ZNF490: variants seen among roughly 807,000 people sequenced by gnomAD.
The protein encoded by ZNF490 is zinc finger protein 490.
In ZNF490, 11 loss-of-function variants were observed where a neutral mutation model predicts 17.7. The ratio of observed to expected loss-of-function variants is 0.62; its 90% CI spans 0.39 to 1.03. The LOEUF (loss-of-function observed/expected upper bound fraction) is 1.03. Ranked by LOEUF, ZNF490 falls within the 50% of genes least tolerant of loss-of-function variation. The probability of loss-of-function intolerance (pLI) is 0.00; values close to 1 mark genes in which losing one functional copy is unlikely to be tolerated. For synonymous variants in ZNF490, 222 were observed against 216.1 expected, an observed-to-expected ratio of 1.03 and a Z score of -0.24; for missense variants, 542 against 643.4, an observed-to-expected ratio of 0.84 and a Z score of 1.71.
chr19:12,583,502 A>G lies in ZNF490; in HGVS notation c.217T>C (p.Leu73=). The G allele has an allele frequency of 6.2e-7, 1 of 1,606,500 alleles. No individual in the cohort carries two copies. Among genetic ancestry groups the G allele is most frequent in the Non-Finnish European group, 8.5e-7 (1 of 1,175,062 alleles). ...AVNFTLEEWA[L]LDPGQRNIYR... is the part of the protein sequence containing the mutation. ...ATATTCCTCTGGCCAGGATCCAGCA[A>G]AGCCCACTCCTCCAGGGTGAAGTTC... Residue 73 remains leucine, a synonymous_variant, in exon 3 of 5, where the codon TTG becomes CTG. Transcript: ENST00000311437.
chr19:12,605,892 T>C (rs889279511), intron 2 of ZNF490, among the ~76,000 whole-genome samples: 1 of 149,266 alleles, frequency 6.7e-6, no homozygotes. Context: ...TTTAATTTAA[T>C]TTTTTTTTTT....
Position 12,584,358 on chromosome 19 carries a change from A to C in ZNF490, c.163-802T>G, listed in dbSNP as rs185597541. ...TTTTTAGTAGAGACGGGGTTTCACC[A>C]TGTTAGCCAGGATGGTCTTGATCTC... On this transcript the variant is annotated intron_variant, in intron 2 of 4. Coordinates refer to ENST00000311437, the MANE Select transcript of ZNF490 (RefSeq NM_020714.3). Among the ~76,000 whole-genome samples the C allele has an allele frequency of 4.5e-4, 35 of 77,130 alleles. 7 individuals are homozygous for C. Among genetic ancestry groups the C allele is most frequent in the African/African-American group, 1.3e-3 (34 of 25,736 alleles). 50.6% of individuals were successfully genotyped at this position (77,130 alleles called of 152,430 possible). A position where few individuals can be genotyped will look rare whatever the true frequency, so the allele number is the denominator to read the frequency against.
intron 2 of ZNF490, among the ~76,000 whole-genome samples, chr19:12,603,321 T>C (rs2023028904): frequency 6.6e-6 from 1 of 151,890 alleles, no homozygotes; most frequent in African/African-American, 2.4e-5. Flanking sequence ...ATCCTATCTC[T>C]ACAAAAAATA....
chr19:12,603,518 G>A (rs1049690532), intron 2 of ZNF490, among the ~76,000 whole-genome samples: 37 of 152,124 alleles, frequency 2.4e-4, no homozygotes, highest in African/African-American at 8.7e-4. Context: ...AAGGCTGGGC[G>A]CTGGGGCTCA....
At chr19:12,582,757 C>T in intron 4 of ZNF490, 93 bp downstream of exon 4, 5 of 1,110,364 alleles carry the variant, frequency 4.5e-6, no homozygotes, top group Non-Finnish European at 6.8e-6. Flanking sequence ...AAACCTGAAA[C>T]TCTGCTTATT....
chr19:12,576,813 CAA>C lies in ZNF490; in HGVS notation c.*3670_*3671del, dbSNP rs149742929. On this transcript the variant is annotated 3_prime_UTR_variant, in exon 5 of 5. Coordinates refer to ENST00000311437, the MANE Select transcript of ZNF490 (RefSeq NM_020714.3). The stretch of plus-strand genomic sequence containing the variant: ...GCCTGGCAACAGTGAGAATCCATCT[CAA>C]AAAAAAAAAAAAAAAAAAAAACCTA... Among the ~76,000 whole-genome samples, 5 of 37,534 alleles carry C rather than the reference CAA, an allele frequency of 1.3e-4. No individual in the cohort carries two copies. The highest frequency in any genetic ancestry group is 2.1e-4 in the African/African-American group (2 of 9,712). The allele number at this position is 37,534 out of a possible 152,430, so 24.6% of individuals were successfully genotyped here.
At chr19:12,589,693 T>G (rs2022844076) in intron 2 of ZNF490, among the ~76,000 whole-genome samples, 1 of 151,660 alleles carries the variant, frequency 6.6e-6, no homozygotes, top group Non-Finnish European at 1.5e-5. Flanking sequence ...CTTCTTGCCT[T>G]GGCCCCGCAA....
At chr19:12,593,477 T>A (rs992897896) in intron 2 of ZNF490, among the ~76,000 whole-genome samples, 2 of 152,064 alleles carry the variant, frequency 1.3e-5, no homozygotes, top group African/African-American at 4.8e-5. Flanking sequence ...CTCGAACTCC[T>A]GACCTCAAGT....
intron 2 of ZNF490, among the ~76,000 whole-genome samples, chr19:12,591,846 A>C (rs928336028): frequency 8.6e-5 from 13 of 151,540 alleles, no homozygotes; most frequent in Non-Finnish European, 1.9e-4. Context: ...AAAAAAAAAA[A>C]CACACTCTTA....
At chr19:12,591,284 C>T (rs929742147) in intron 2 of ZNF490, among the ~76,000 whole-genome samples, 2 of 151,776 alleles carry the variant, frequency 1.3e-5, no homozygotes, top group African/African-American at 4.8e-5. Context: ...AGCTACTTGG[C>T]AGGCTGAGGT....
At chr19:12,602,097 C>T (rs1006407492) in intron 2 of ZNF490, among the ~76,000 whole-genome samples, 26 of 149,060 alleles carry the variant, frequency 1.7e-4, no homozygotes, top group South Asian at 1.7e-3. Flanking sequence ...CACACACACA[C>T]ACACACACAC....
rs773953861 is a variant in ZNF490 at position 12,581,691 on chromosome 19, T to C, written c.384A>G (p.Lys128=). The C allele has an allele frequency of 6.2e-7, 1 of 1,613,412 alleles. No individual in the cohort carries two copies. Among genetic ancestry groups the C allele is most frequent in the Non-Finnish European group, 8.5e-7 (1 of 1,179,546 alleles). ...TGCTTTTTCCACATGGACAATCTTC[T>C]TTATTTTCACAGAGTGCTTCAACCA... The part of the protein sequence containing the change: ...SPMVEALCEN[K]EDCPCGKSTS... Residue 128 remains lysine, a synonymous_variant, in exon 5 of 5, where the codon AAA becomes AAG. Coordinates refer to ENST00000311437, the MANE Select transcript of ZNF490 (RefSeq NM_020714.3).
Position 12,599,040 on chromosome 19 carries a change from T to TA in ZNF490, c.162+10117dup, listed in dbSNP as rs952799615. Among the ~76,000 whole-genome samples, 4 of 134,750 alleles carry TA rather than the reference T, an allele frequency of 3.0e-5. No individual in the cohort carries two copies. In the Admixed American group the frequency reaches 3.2e-4, roughly 11 times the overall value. 88.4% of individuals were successfully genotyped at this position (134,750 alleles called of 152,430 possible). ...GTGGCGGGGTGCCTGTGATCCCAGC[T>TA]ATTCTGGAGGCTGAGGCAGGAGAAT... On this transcript the variant is annotated intron_variant, in intron 2 of 4. Transcript: ENST00000311437.
Position 12,581,654 on chromosome 19 carries a change from G to C in ZNF490, c.421C>G (p.Pro141Ala). The C allele has an allele frequency of 6.2e-7, 1 of 1,614,128 alleles. No homozygotes were observed. The part of the protein sequence containing the change: ...CPCGKSTSQI[P>A]DLNTNLETPT... ...GTTTCCAGGTTCGTATTAAGATCAGGAATCTGGCTAGTGCTTTTTCCACAT... is the reference window on the plus strand; with the variant it reads ...GTTTCCAGGTTCGTATTAAGATCAGCAATCTGGCTAGTGCTTTTTCCACAT... The change falls in exon 5 of 5, where the codon CCT (proline) becomes GCT (alanine). Residue 141 changes from proline (P) to alanine (A), a missense_variant. Transcript: ENST00000311437.
chr19:12,578,613 C>T lies in ZNF490; in HGVS notation c.*1872G>A. Reference sequence around the variant, plus strand: ...TGAATTAGGATGTGCATAGGCAGATCCCACTTGGGGAAAAACTGTAAGATG... The same window carrying T: ...TGAATTAGGATGTGCATAGGCAGATTCCACTTGGGGAAAAACTGTAAGATG... On this transcript the variant is annotated 3_prime_UTR_variant, in exon 5 of 5. Coordinates refer to ENST00000311437, the MANE Select transcript of ZNF490 (RefSeq NM_020714.3). 2.0e-6 allele frequency: 2 copies of T among 985,446 alleles called. No individual in the cohort carries two copies. The highest frequency in any genetic ancestry group is 2.4e-6 in the Non-Finnish European group (2 of 829,958). The allele number at this position is 985,446 out of a possible 1,614,324, so 61.0% of individuals were successfully genotyped here.
At chr19:12,606,832 A>G (rs2023073741) in intron 2 of ZNF490, among the ~76,000 whole-genome samples, 1 of 152,208 alleles carries the variant, frequency 6.6e-6, no homozygotes, top group Non-Finnish European at 1.5e-5. Flanking sequence ...AAAAAAATGA[A>G]CAGCTTTGTG....
intron 2 of ZNF490, among the ~76,000 whole-genome samples, chr19:12,598,986 C>G (rs1320212612): frequency 7.9e-6 from 1 of 127,316 alleles, no homozygotes; most frequent in Non-Finnish European, 1.7e-5. Flanking sequence ...GACTCCATCT[C>G]AAAAAAAAAA....
Position 12,610,619 on chromosome 19 carries a change from C to G in ZNF490, c.62G>C (p.Ser21Thr), listed in dbSNP as rs1220866391. Residue 21 changes from serine to threonine, a missense_variant, in exon 1 of 5, where the codon AGC becomes ACC. Transcript: ENST00000311437. ...GCGGCCTTGACTAGACGACCACTTG[C>G]TCTGGACTTGCTCCTCGAGGGGTCG... ...MERPLEEQVQ[S>T]KWSSSQGRTG... is the part of the protein sequence containing the mutation. 1 of 1,614,026 alleles carries G rather than the reference C, an allele frequency of 6.2e-7. No homozygotes were observed. Among genetic ancestry groups the G allele is most frequent in the Non-Finnish European group, 8.5e-7 (1 of 1,180,028 alleles).
intron 2 of ZNF490, among the ~76,000 whole-genome samples, chr19:12,589,568 C>CTTCTT (rs1398446143): frequency 8.0e-6 from 1 of 125,752 alleles, no homozygotes; most frequent in African/African-American, 2.9e-5. Context: ...TCTTCTTCTT[C>CTTCTT]TTTTTTTTTT....
Sources: allele counts gnomAD v4.1 joint callset (sites outside exome capture counted in the v4.1 genomes callset), GRCh38; gene constraint gnomAD v4.1.1; transcripts MANE v1.5; gene names NCBI Gene and HGNC (gene_info 2026-07-23, HGNC 2026-07-21).